Variants in DSE observed in about 807,000 individuals in gnomAD.
The protein encoded by DSE is dermatan sulfate epimerase.
In DSE, 36 loss-of-function variants were observed where a neutral mutation model predicts 84.4. That is an observed-to-expected ratio of 0.43 (90% confidence interval 0.33 to 0.56). The LOEUF (loss-of-function observed/expected upper bound fraction) is 0.56, where lower values mean the gene tolerates loss of function less well. Ranked by LOEUF, DSE falls within the 20% of genes least tolerant of loss-of-function variation. DSE has a pLI of 0.06. For synonymous variants in DSE, 410 were observed against 430.1 expected, an observed-to-expected ratio of 0.95 and a Z score of 0.58; for missense variants, 862 against 1,169.6, an observed-to-expected ratio of 0.74 and a Z score of 3.84.
At chr6:116,305,586 T>C (rs1475691781) in intron 2 of DSE, among the ~76,000 whole-genome samples, 1 of 152,112 alleles carries the variant, frequency 6.6e-6, no homozygotes, top group East Asian at 1.9e-4. Context: ...ATTACATCAG[T>C]GTTAATGTCC....
chr6:116,408,237 T>A (rs1243829541), intron 2 of DSE, among the ~76,000 whole-genome samples: 1 of 152,208 alleles, frequency 6.6e-6, no homozygotes, highest in Admixed American at 6.5e-5. Context: ...CCAGATTCCA[T>A]CTTCTATACC....
chr6:116,358,161 T>G lies in DSE; in HGVS notation c.-53-41037T>G, dbSNP rs114074676. Among the ~76,000 whole-genome samples the G allele has an allele frequency of 4.2e-3, 642 of 152,310 alleles. 6 individuals are homozygous for G. The highest frequency in any genetic ancestry group is 0.015 in the African/African-American group (612 of 41,556). On this transcript the variant is annotated intron_variant, in intron 2 of 3. Transcript: ENST00000430252. The stretch of plus-strand genomic sequence containing the variant: ...GCCTGGTATCCAATGCAGCAAAAAT[T>G]CCTGATCATGAGTCTCTTTCCTACA...
At chr6:116,409,195 A>T (rs935342001) in intron 2 of DSE, among the ~76,000 whole-genome samples, 1 of 152,250 alleles carries the variant, frequency 6.6e-6, no homozygotes, top group Non-Finnish European at 1.5e-5. Context: ...GTGTTCTTAT[A>T]AATTGATGCC....
chr6:116,330,737 A>G (rs1776887647), intron 2 of DSE, among the ~76,000 whole-genome samples: 1 of 152,200 alleles, frequency 6.6e-6, no homozygotes, highest in Non-Finnish European at 1.5e-5. Flanking sequence ...AGTCTAGCAA[A>G]TACCCTGATT....
intron 2 of DSE, among the ~76,000 whole-genome samples, chr6:116,336,845 T>C (rs778026641): frequency 4.6e-5 from 7 of 152,148 alleles, no homozygotes; most frequent in Non-Finnish European, 1.0e-4. Context: ...GCTAGGTTCA[T>C]AGTCTTTGTA....
intron 2 of DSE, among the ~76,000 whole-genome samples, chr6:116,359,017 A>G (rs1022607386): frequency 2.6e-5 from 4 of 152,216 alleles, no homozygotes; most frequent in East Asian, 1.9e-4. Flanking sequence ...TCAAGTTGCA[A>G]TCTATTAGTG....
intron 2 of DSE, among the ~76,000 whole-genome samples, chr6:116,296,236 C>T (rs10223646): frequency 0.41 from 61,739 of 151,998 alleles, 13,065 homozygotes; most frequent in African/African-American, 0.51. Flanking sequence ...TTCATCATAT[C>T]TAATACAATG....
upstream of DSE, chr6:116,370,758 A>G (rs1192224628): frequency 7.6e-6 from 7 of 915,656 alleles, no homozygotes; most frequent in Non-Finnish European, 9.1e-6. Context: ...AGCGGGAGAA[A>G]GCGGGGCGGG....
intron 1 of DSE, among the ~76,000 whole-genome samples, chr6:116,374,290 C>T (rs891183071): frequency 6.6e-6 from 1 of 152,160 alleles, no homozygotes; most frequent in African/African-American, 2.4e-5. Context: ...CACCCCACTG[C>T]CCCTTCCCCA....
chr6:116,347,864 A>T (rs984670213), intron 2 of DSE, among the ~76,000 whole-genome samples: 1 of 152,244 alleles, frequency 6.6e-6, no homozygotes, highest in African/African-American at 2.4e-5. Flanking sequence ...GGCAACCTAC[A>T]CAATGGGAGA....
At position 116,399,594 on chromosome 6, in the gene DSE, T is replaced by A; in HGVS notation, c.344T>A (p.Leu115Gln). The change falls in exon 2 of 6, where the codon CTG becomes CAG. Residue 115 changes from leucine (L) to glutamine (Q), a missense_variant. By Grantham distance (113) the Leu-to-Gln change is moderately radical (BLOSUM62 -2). Transcript: ENST00000644252. ...NLGALAMFCV[L>Q]YPENIEARDM... Reference sequence around the variant, plus strand: ...GGTGCCTTGGCAATGTTCTGTGTGCTGTATCCTGAGAACATTGAAGCCCGA... The same window carrying A: ...GGTGCCTTGGCAATGTTCTGTGTGCAGTATCCTGAGAACATTGAAGCCCGA... The A allele has an allele frequency of 6.2e-7, 1 of 1,614,232 alleles. No homozygotes were observed. The highest frequency in any genetic ancestry group is 8.5e-7 in the Non-Finnish European group (1 of 1,180,044).
intron 1 of DSE, among the ~76,000 whole-genome samples, chr6:116,256,971 G>A (rs1582898739): frequency 1.3e-5 from 2 of 152,100 alleles, no homozygotes; most frequent in Admixed American, 1.3e-4. Context: ...AATCTATGAG[G>A]TAATTTTTAT....
chr6:116,412,886 TG>T (rs1373814212), intron 2 of DSE: 1 of 151,554 alleles, frequency 6.6e-6, no homozygotes, highest in Non-Finnish European at 1.5e-5. Context: ...CACTGTCTTT[TG>T]TTCCTGTATG....
intron 2 of DSE, among the ~76,000 whole-genome samples, chr6:116,412,219 GACAA>G (rs781011861): frequency 2.0e-5 from 3 of 151,260 alleles, no homozygotes; most frequent in African/African-American, 7.3e-5. Context: ...TGGCTTCAAA[GACAA>G]ACAAAATTGT....
intron 2 of DSE, among the ~76,000 whole-genome samples, chr6:116,275,704 G>A (rs1322760231): frequency 6.6e-6 from 1 of 151,946 alleles, no homozygotes; most frequent in Non-Finnish European, 1.5e-5. Flanking sequence ...GGAGGCTGAT[G>A]CTGGAGAACT....
rs1784286971 is a variant in DSE at position 116,438,035 on chromosome 6, T to G, written c.*690T>G. 6.6e-6 allele frequency: 1 copy of G among 152,090 alleles called. No homozygotes were observed. The highest frequency in any genetic ancestry group is 2.4e-5 in the African/African-American group (1 of 41,274). The allele number at this position is 152,090 out of a possible 1,614,324, so 9.4% of individuals were successfully genotyped here. On this transcript the variant is annotated 3_prime_UTR_variant, in exon 6 of 6. Coordinates refer to ENST00000644252, the MANE Select transcript of DSE (RefSeq NM_013352.4). ...CTCTGCACACATATGCTTGGTTACT[T>G]GCATGCATTCATTGGTTGTTCAATA...
At chr6:116,323,098 A>G (rs1173514314) in intron 2 of DSE, among the ~76,000 whole-genome samples, 2 of 152,220 alleles carry the variant, frequency 1.3e-5, no homozygotes, top group Non-Finnish European at 2.9e-5. Flanking sequence ...ATTTGCAACA[A>G]TTGAAGTCTG....
chr6:116,295,387 C>G (rs558484115), intron 2 of DSE, among the ~76,000 whole-genome samples: 15 of 152,176 alleles, frequency 9.9e-5, no homozygotes, highest in African/African-American at 3.6e-4. Flanking sequence ...CCTATTAAAC[C>G]CTGACTACAT....
chr6:116,305,142 T>C (rs1298247544), intron 2 of DSE, among the ~76,000 whole-genome samples: 1 of 152,128 alleles, frequency 6.6e-6, no homozygotes, highest in African/African-American at 2.4e-5. Context: ...TTCCTTTTTT[T>C]TTTTTTCTTT....
Sources: allele counts gnomAD v4.1 joint callset (sites outside exome capture counted in the v4.1 genomes callset), GRCh38; gene constraint gnomAD v4.1.1; transcripts MANE v1.5; gene names NCBI Gene and HGNC (gene_info 2026-07-23, HGNC 2026-07-21).